The following FOXP4 variants were observed in gnomAD, a reference collection of about 807,000 sequenced individuals.
FOXP4 encodes forkhead box P4.
Under a neutral mutation model 82.6 loss-of-function variants are expected in FOXP4, and 25 were observed. The ratio of observed to expected loss-of-function variants is 0.30; its 90% CI spans 0.22 to 0.42. FOXP4 has a LOEUF of 0.42. FOXP4 is among the 10% of genes least tolerant of loss of function. The pLI, the probability that FOXP4 is intolerant of heterozygous loss-of-function variation, is 1.00. For missense variants in FOXP4, 785 were observed against 900.9 expected (o/e 0.87, Z 1.65); for synonymous variants, 415 against 388.2 (o/e 1.07, Z -0.81).
chr6:41,583,632 G>A (rs1765928993), intron 3 of FOXP4, among the ~76,000 whole-genome samples: 1 of 152,210 alleles, frequency 6.6e-6, no homozygotes, highest in African/African-American at 2.4e-5. Context: ...GAGTGAGAGA[G>A]GAAATTAGAG....
intron 2 of FOXP4, among the ~76,000 whole-genome samples, chr6:41,575,920 A>C (rs1765456242): frequency 6.6e-6 from 1 of 150,818 alleles, no homozygotes; most frequent in African/African-American, 2.4e-5. Context: ...CCTCAACCCT[A>C]CTCTACCTCC....
At chr6:41,597,104 G>A (rs1036442401) in intron 14 of FOXP4, 72 bp from the exon 15 acceptor site, 11 of 1,512,212 alleles carry the variant, frequency 7.3e-6, no homozygotes, top group Non-Finnish European at 9.2e-6. Context: ...CCGTTACTTA[G>A]TGAGAGTAAA....
chr6:41,565,863 A>C lies in FOXP4; in HGVS notation c.103A>C (p.Thr35Pro). The C allele has an allele frequency of 1.9e-6, 3 of 1,613,942 alleles. No individual in the cohort carries two copies. Among genetic ancestry groups the C allele is most frequent in the Non-Finnish European group, 2.5e-6 (3 of 1,180,032 alleles). Residue 35 changes from threonine (T) to proline (P), a missense_variant, in exon 2 of 17, where the codon ACA (threonine) becomes CCA (proline). Thr to Pro is a conservative substitution (Grantham distance 38, BLOSUM62 -1). This residue lies in a region of FOXP4 where 570 missense variants were observed against 634.0 expected (regional missense o/e 0.90). Transcript: ENST00000307972. The stretch of plus-strand genomic sequence containing the variant: ...AGCCGATGGCAGCAGCGGCGGGGCC[A>C]CAGGGACAACTGCAAGTGGCACGGG... ...GQADGSSGGA[T>P]GTTASGTGRE...
At chr6:41,550,758 G>A (rs1253254843) in intron 1 of FOXP4, among the ~76,000 whole-genome samples, 1 of 152,212 alleles carries the variant, frequency 6.6e-6, no homozygotes, top group African/African-American at 2.4e-5. Flanking sequence ...ACACAACCCT[G>A]GAGCATTCCC....
intron 14 of FOXP4, among the ~76,000 whole-genome samples, chr6:41,595,695 C>T (rs1205069825): frequency 3.3e-5 from 5 of 151,252 alleles, no homozygotes; most frequent in Admixed American, 6.6e-5. Flanking sequence ...CTCCACTTCC[C>T]GGGTTCAAGC....
At chr6:41,584,997 A>G (rs1766022580) in intron 4 of FOXP4, 106 bp downstream of exon 4, 2 of 1,405,810 alleles carry the variant, frequency 1.4e-6, no homozygotes, top group Non-Finnish European at 1.9e-6. Context: ...GAAACCAGAG[A>G]GACTGCTCAG....
chr6:41,587,599 G>T (rs1477345481), intron 7 of FOXP4, 87 bp downstream of exon 7: 3 of 1,197,720 alleles, frequency 2.5e-6, no homozygotes, highest in Non-Finnish European at 2.4e-6. Flanking sequence ...CTGTGAGGGA[G>T]GGGGTGGAGC....
At chr6:41,595,701 C>T (rs908432501) in intron 14 of FOXP4, among the ~76,000 whole-genome samples, 12 of 152,042 alleles carry the variant, frequency 7.9e-5, no homozygotes, top group African/African-American at 2.7e-4. Flanking sequence ...TTCCCGGGTT[C>T]AAGCAATTCT....
At position 41,597,365 on chromosome 6, in the gene FOXP4, A is replaced by G. The variant is rs1256050528; in HGVS notation, c.1725+123A>G. On this transcript the variant is annotated intron_variant, in intron 15 of 16. Transcript: ENST00000307972. ...GGAGGGAAGGAGGGTGAAGACCCAAACTCTCCGAGACCCCACCTCTCTGCC... is the reference window on the plus strand; with the variant it reads ...GGAGGGAAGGAGGGTGAAGACCCAAGCTCTCCGAGACCCCACCTCTCTGCC... 8 of 945,474 alleles carry G rather than the reference A, an allele frequency of 8.5e-6. No individual in the cohort carries two copies. In the Admixed American group the frequency reaches 1.5e-4, roughly 18 times the overall value. 58.6% of individuals were successfully genotyped at this position (945,474 alleles called of 1,614,324 possible). A position where few individuals can be genotyped will look rare whatever the true frequency, so the allele number is the denominator to read the frequency against.
intron 14 of FOXP4, 81 bp downstream of exon 14, chr6:41,595,072 G>A: frequency 6.3e-7 from 1 of 1,584,496 alleles, no homozygotes; most frequent in South Asian, 1.1e-5. Context: ...CCTCTCCAGG[G>A]TACACATGTG....
In FOXP4 at chr6:41,598,860, C is replaced by G; in HGVS notation, c.1967C>G (p.Ala656Gly). 1 of 1,594,008 alleles carries G rather than the reference C, an allele frequency of 6.3e-7. No homozygotes were observed. The change falls in exon 17 of 17, where the codon GCC (alanine) becomes GGC (glycine). Residue 656 changes from alanine to glycine, a missense_variant. Around this residue, in one of 3 missense-constraint regions of FOXP4, gnomAD observed 184 missense variants for 187.3 expected, o/e 0.98. Transcript: ENST00000307972. The part of the protein sequence containing the change: ...EDRQPGPPLG[A>G]PNPSASGPPE... ...AGGCAGCCCGGGCCTCCCCTGGGCG[C>G]CCCTAACCCCAGCGCCTCGGGGCCT...
intron 9 of FOXP4, among the ~76,000 whole-genome samples, chr6:41,589,396 T>G (rs567368788): frequency 6.6e-6 from 1 of 152,344 alleles, no homozygotes; most frequent in East Asian, 1.9e-4. Context: ...GCATCTGCAT[T>G]CAGTATGCAA....
intron 1 of FOXP4, among the ~76,000 whole-genome samples, chr6:41,561,634 C>T (rs1269352140): frequency 1.3e-5 from 2 of 151,996 alleles, no homozygotes; most frequent in Non-Finnish European, 2.9e-5. Flanking sequence ...CCTCTTGGAG[C>T]TTGCCCCTCA....
Position 41,598,837 on chromosome 6 carries a change from G to A in FOXP4, c.1944G>A (p.Arg648=), listed in dbSNP as rs749248926. ...KEEPAEAEED[R]QPGPPLGAPN... ...AGCCAGCAGAGGCAGAGGAAGACAG[G>A]CAGCCCGGGCCTCCCCTGGGCGCCC... The change falls in exon 17 of 17, where the codon AGG becomes AGA. Residue 648 remains arginine (R), a synonymous_variant. Coordinates refer to ENST00000307972, the MANE Select transcript of FOXP4 (RefSeq NM_001012426.2). 5.1e-6 allele frequency: 8 copies of A among 1,578,914 alleles called. No homozygotes were observed. The highest frequency in any genetic ancestry group is 6.9e-6 in the Non-Finnish European group (8 of 1,163,280).
intron 3 of FOXP4, among the ~76,000 whole-genome samples, chr6:41,578,952 T>C (rs1208114742): frequency 1.3e-5 from 2 of 150,716 alleles, no homozygotes; most frequent in Non-Finnish European, 1.5e-5. Context: ...GAAGGGTGAG[T>C]ATGGTTGGTT....
chr6:41,551,548 T>C (rs190150497), intron 1 of FOXP4, among the ~76,000 whole-genome samples: 6 of 152,280 alleles, frequency 3.9e-5, no homozygotes, highest in Admixed American at 2.0e-4. Context: ...GTGGAGCCAG[T>C]TGATAGTGCA....
At chr6:41,563,664 G>T (rs886603046) in intron 1 of FOXP4, among the ~76,000 whole-genome samples, 1 of 152,190 alleles carries the variant, frequency 6.6e-6, no homozygotes, top group Non-Finnish European at 1.5e-5. Context: ...CAATTATGGT[G>T]GGTGGAGAAG....
At chr6:41,586,527 T>G (rs1188761819) in intron 5 of FOXP4, among the ~76,000 whole-genome samples, 1 of 152,216 alleles carries the variant, frequency 6.6e-6, no homozygotes, top group Non-Finnish European at 1.5e-5. Flanking sequence ...TCCTTGATTC[T>G]CTGTATCTAA....
At chr6:41,582,883 C>CAG (rs1765880609) in intron 3 of FOXP4, among the ~76,000 whole-genome samples, 1 of 152,180 alleles carries the variant, frequency 6.6e-6, no homozygotes, top group Non-Finnish European at 1.5e-5. Flanking sequence ...CCAAGACCTG[C>CAG]CCTGCGGTGG....
Sources: allele counts gnomAD v4.1 joint callset (sites outside exome capture counted in the v4.1 genomes callset), GRCh38; gene constraint gnomAD v4.1.1; regional missense constraint gnomAD v4.1.1; transcripts MANE v1.5; gene names NCBI Gene and HGNC (gene_info 2026-07-23, HGNC 2026-07-21).